Variants in WDR90 observed in about 807,000 individuals in gnomAD.
WDR90 encodes the protein WD repeat-containing protein 90.
In WDR90, 238 loss-of-function variants were observed where a neutral mutation model predicts 195.2. That is an observed-to-expected ratio of 1.22 (90% confidence interval 1.10 to 1.36). The LOEUF (loss-of-function observed/expected upper bound fraction) is 1.36. Among genes scored for constraint, WDR90 ranks in the 40% most tolerant of loss-of-function variants. The pLI is 0.00. For synonymous variants in WDR90, 1,265 were observed against 1,052.4 expected (o/e 1.20, Z -3.91); for missense variants, 2,734 against 2,439.5 (o/e 1.12, Z -2.54).
In WDR90 at chr16:667,445, G is replaced by A. The variant is rs2038128516; in HGVS notation, c.5103G>A (p.Arg1701=). 1.2e-6 allele frequency: 2 copies of A among 1,602,048 alleles called. No homozygotes were observed. Among genetic ancestry groups the A allele is most frequent in the Non-Finnish European group, 1.7e-6 (2 of 1,171,704 alleles). The change falls in exon 41 of 41, where the codon AGG becomes AGA. Residue 1701 remains arginine, a synonymous_variant. Transcript: ENST00000293879. ...LAVGFAECML[R]LVDCAMGTAQ... is the part of the protein sequence containing the mutation. The stretch of plus-strand genomic sequence containing the variant: ...GTCTACCCACAGAGTGCATGCTGAG[G>A]CTGGTAGACTGTGCCATGGGGACTG...
rs1430236821 is a variant in WDR90 at position 651,846 on chromosome 16, C to A, written c.860C>A (p.Ala287Glu). 6.2e-7 allele frequency: 1 copy of A among 1,610,286 alleles called. No homozygotes were observed. The highest frequency in any genetic ancestry group is 1.7e-5 in the Admixed American group (1 of 60,012). The change falls in exon 9 of 41, where the codon GCA (alanine) becomes GAA (glutamate). Residue 287 changes from alanine to glutamate, a missense_variant. Ala to Glu is a moderately radical substitution (Grantham distance 107). Transcript: ENST00000293879. ...CAGCAGTCCGGCCGGGCCGCCTTGG[C>A]ACCCAGGCCCTTCCCGGAGGTCAGC... is the stretch of plus-strand genomic sequence containing the variant. ...SPTASGRAALAPRPFPEVSLS... is the reference protein window; with the variant it reads ...SPTASGRAALEPRPFPEVSLS...
chr16:653,571 C>T lies in WDR90; in HGVS notation c.1280C>T (p.Ala427Val), dbSNP rs1419196562. The T allele has an allele frequency of 3.1e-6, 5 of 1,613,482 alleles. No homozygotes were observed. In the East Asian group the frequency reaches 8.9e-5, roughly 29 times the overall value. ...GGCAGCAGCTCACTATTGGCCTCGG[C>T]CCAGGCAAGGGCCCCTAGTGTGATG... ...LDGSSSLLAS[A>V]QARAPSVMRL... Residue 427 changes from alanine to valine, a missense_variant, in exon 12 of 41, where the codon GCC becomes GTC. By Grantham distance (64) the Ala-to-Val change is moderately conservative. Coordinates refer to ENST00000293879, the MANE Select transcript of WDR90 (RefSeq NM_145294.5).
At chr16:657,518 C>T (rs562609171) in intron 20 of WDR90, among the ~76,000 whole-genome samples, 1 of 152,312 alleles carries the variant, frequency 6.6e-6, no homozygotes, top group Non-Finnish European at 1.5e-5. Context: ...TGTCCTGCGG[C>T]CACCATAACT....
intron 20 of WDR90, 124 bp downstream of exon 20, chr16:657,345 C>T (rs1385439982): frequency 1.2e-5 from 16 of 1,376,236 alleles, no homozygotes; most frequent in South Asian, 3.0e-5. Flanking sequence ...TGTGGGGGGG[C>T]GTGGCCGCCT....
Position 650,379 on chromosome 16 carries a change from G to A in WDR90, c.388+17G>A. 1.2e-6 allele frequency: 2 copies of A among 1,609,724 alleles called. No homozygotes were observed. Among genetic ancestry groups the A allele is most frequent in the Non-Finnish European group, 1.7e-6 (2 of 1,177,300 alleles). ...CTCAGAGAGGTGACACCAAGATGGGGTGTGGATGATCCAGGACAGGTGGCT... is the reference window on the plus strand; with the variant it reads ...CTCAGAGAGGTGACACCAAGATGGGATGTGGATGATCCAGGACAGGTGGCT... On this transcript the variant is annotated intron_variant, in intron 4 of 40. Coordinates refer to ENST00000293879, the MANE Select transcript of WDR90 (RefSeq NM_145294.5).
At chr16:653,220 G>A (rs2037680730) in intron 10 of WDR90, 121 bp from the exon 11 acceptor site, 6 of 753,974 alleles carry the variant, frequency 8.0e-6, no homozygotes, top group South Asian at 3.8e-5. Flanking sequence ...GTGCCCAGGT[G>A]TGTGTGCCAG....
chr16:650,535 G>C lies in WDR90; in HGVS notation c.389-4G>C. On this transcript the variant is annotated splice_polypyrimidine_tract_variant and splice_region_variant and intron_variant, in intron 4 of 40. Coordinates refer to ENST00000293879, the MANE Select transcript of WDR90 (RefSeq NM_145294.5). ...GGCGCTGACCCTGAGTGCCCATCCT[G>C]CAGATCTGGTGGGTTTGGCCCCCTC... 1.9e-6 allele frequency: 3 copies of C among 1,600,820 alleles called. No homozygotes were observed. In the South Asian group the frequency reaches 3.3e-5, roughly 18 times the overall value.
rs184540549 is a variant in WDR90 at position 660,910 on chromosome 16, C to T, written c.3392-141C>T. 1,893 of 819,092 alleles carry T rather than the reference C, an allele frequency of 2.3e-3. 31 individuals are homozygous for T. The African/African-American group carries it at 0.044, about 19-fold the overall frequency. 50.7% of individuals were successfully genotyped at this position (819,092 alleles called of 1,614,324 possible). A position where few individuals can be genotyped will look rare whatever the true frequency, so the allele number is the denominator to read the frequency against. Reference sequence around the variant, plus strand: ...TTTGGCTACTGGACGCTGGGGAGGGCGCAGCTGGGACGATGCTAACCCCTT... The same window carrying T: ...TTTGGCTACTGGACGCTGGGGAGGGTGCAGCTGGGACGATGCTAACCCCTT... On this transcript the variant is annotated intron_variant, in intron 28 of 40. Transcript: ENST00000293879.
chr16:663,422 A>AGT (rs2037959787), intron 34 of WDR90: 8 of 189,970 alleles, frequency 4.2e-5, no homozygotes, highest in Admixed American at 1.1e-4. Flanking sequence ...TGGGCGACAG[A>AGT]GACTCCATCT....
intron 31 of WDR90, 38 bp from the exon 32 acceptor site, chr16:661,853 G>A (rs1596468255): frequency 1.9e-6 from 3 of 1,594,194 alleles, no homozygotes; most frequent in Non-Finnish European, 2.6e-6. Flanking sequence ...TGGGCCCCGG[G>A]ACACTGCTGA....
chr16:652,948 C>T (rs1838777069), intron 10 of WDR90, among the ~76,000 whole-genome samples: 1 of 152,238 alleles, frequency 6.6e-6, no homozygotes, highest in Non-Finnish European at 1.5e-5. Context: ...AGGAGGTGGC[C>T]TTCCCCTCTG....
intron 26 of WDR90, among the ~76,000 whole-genome samples, 159 bp from the exon 27 acceptor site, chr16:659,899 G>A (rs947140871): frequency 6.6e-6 from 1 of 152,224 alleles, no homozygotes; most frequent in African/African-American, 2.4e-5. Flanking sequence ...ACCTGCAGTG[G>A]GACACGGTTT....
chr16:660,769 C>T (rs2037879747), intron 28 of WDR90, 55 bp downstream of exon 28: 17 of 1,505,646 alleles, frequency 1.1e-5, no homozygotes, highest in African/African-American at 2.8e-5. Context: ...GCGCGTGGTC[C>T]AGCCGTCTCC....
chr16:657,447 G>A lies in WDR90; in HGVS notation c.2473+226G>A, dbSNP rs763975899. On this transcript the variant is annotated intron_variant, in intron 20 of 40. Transcript: ENST00000293879. ...CAGCTCGGGTCTGTGCCCAGGAGGCGGCAGGCAGCCCAAGCTCCAGGTCAG... is the reference window on the plus strand; with the variant it reads ...CAGCTCGGGTCTGTGCCCAGGAGGCAGCAGGCAGCCCAAGCTCCAGGTCAG... 8.3e-4 allele frequency: 664 copies of A among 799,596 alleles called. 1 individual carries two copies. The highest frequency in any genetic ancestry group is 3.5e-3 in the South Asian group (182 of 52,176). The allele number at this position is 799,596 out of a possible 1,614,324, so 49.5% of individuals were successfully genotyped here. A position where few individuals can be genotyped will look rare whatever the true frequency, so the allele number is the denominator to read the frequency against.
rs1351296166 is a variant in WDR90 at position 651,661 on chromosome 16, C to T, written c.754C>T (p.Pro252Ser). 1 of 1,612,700 alleles carries T rather than the reference C, an allele frequency of 6.2e-7. No individual in the cohort carries two copies. Among genetic ancestry groups the T allele is most frequent in the Non-Finnish European group, 8.5e-7 (1 of 1,179,970 alleles). ...TGTTCTAGTCCTCCTGGGGCCGGGG[C>T]CACAGCCTCTCCCTTGCCCGGTGGC... ...PPEAVLLGPG[P>S]QPLPCPVASS... Residue 252 changes from proline (P) to serine (S), a missense_variant, in exon 8 of 41, where the codon CCA becomes TCA. By Grantham distance (74) the Pro-to-Ser change is moderately conservative (BLOSUM62 -1). Transcript: ENST00000293879.
rs975784274 is a variant in WDR90, at chr16:656,174, C to T, written c.1967-128C>T. On this transcript the variant is annotated intron_variant, in intron 17 of 40. Coordinates refer to ENST00000293879, the MANE Select transcript of WDR90 (RefSeq NM_145294.5). ...GTGGCCTCGAGGGAGCTGCATCTTG[C>T]AGCCGTGTGGAGCCTGGGACTTTGA... 6.3e-6 allele frequency: 6 copies of T among 945,166 alleles called. No individual in the cohort carries two copies. The African/African-American group carries it at 6.6e-5, about 10-fold the overall frequency. The allele number at this position is 945,166 out of a possible 1,614,324, so 58.5% of individuals were successfully genotyped here.
At chr16:665,855 G>A (rs987759369) in intron 35 of WDR90, 54 bp downstream of exon 35, 1 of 1,548,338 alleles carries the variant, frequency 6.5e-7, no homozygotes, top group Non-Finnish European at 8.7e-7. Context: ...TCAGTGGGGG[G>A]CCTGGCATGG....
chr16:664,680 CTGAA>C (rs2037986789), intron 34 of WDR90, among the ~76,000 whole-genome samples: 1 of 150,500 alleles, frequency 6.6e-6, no homozygotes, highest in Admixed American at 6.6e-5. Context: ...CTCAGCTGAA[CTGAA>C]TTTTTTTTTT....
rs369506740 is a variant in WDR90 at position 657,552 on chromosome 16, T to C, written c.2474-210T>C. 3.3e-3 allele frequency among the ~76,000 whole-genome samples: 502 copies of C among 152,344 alleles called. 4 individuals carry two copies. The highest frequency in any genetic ancestry group is 5.8e-3 in the Non-Finnish European group (394 of 68,016). ...CTTGGGCCCCCTGAGTGGTCACTTA[T>C]GACTACTGCTGGCCCACGGGGACTC... On this transcript the variant is annotated intron_variant, in intron 20 of 40. Coordinates refer to ENST00000293879, the MANE Select transcript of WDR90 (RefSeq NM_145294.5).
Sources: allele counts gnomAD v4.1 joint callset (sites outside exome capture counted in the v4.1 genomes callset), GRCh38; gene constraint gnomAD v4.1.1; transcripts MANE v1.5; gene names NCBI Gene and HGNC (gene_info 2026-07-23, HGNC 2026-07-21).